The following FOXP2 variants were observed in gnomAD, a reference collection of about 807,000 sequenced individuals.
FOXP2 encodes forkhead box protein P2.
A neutral mutation model predicts 115.8 loss-of-function variants in FOXP2; 12 were observed. The ratio of observed to expected loss-of-function variants is 0.10; its 90% CI spans 0.07 to 0.17. FOXP2 has a LOEUF of 0.17. Ranked by LOEUF, FOXP2 falls within the 10% of genes least tolerant of loss-of-function variation. The probability of loss-of-function intolerance (pLI) is 1.00; values close to 1 mark genes in which losing one functional copy is unlikely to be tolerated. For synonymous variants in FOXP2, 328 were observed against 297.7 expected (o/e 1.10, Z -1.05); for missense variants, 629 against 843.5 (o/e 0.75, Z 3.15).
At chr7:114,368,737 C>T (rs1355357758) in intron 2 of FOXP2, among the ~76,000 whole-genome samples, 1 of 152,118 alleles carries the variant, frequency 6.6e-6, no homozygotes, top group Non-Finnish European at 1.5e-5. Context: ...AGCACTGTTC[C>T]AAGTGCTTAA....
intron 1 of FOXP2, among the ~76,000 whole-genome samples, chr7:114,263,653 G>A (rs1214558518): frequency 1.3e-5 from 2 of 151,352 alleles, no homozygotes; most frequent in African/African-American, 4.9e-5. Flanking sequence ...ACCTTGAAAT[G>A]TATTCTTCCT....
At chr7:114,427,791 A>G (rs1296580701) in intron 2 of FOXP2, among the ~76,000 whole-genome samples, 1 of 151,640 alleles carries the variant, frequency 6.6e-6, no homozygotes, top group Non-Finnish European at 1.5e-5. Flanking sequence ...GCATTAAAAA[A>G]GTTACATGGG....
intron 2 of FOXP2, among the ~76,000 whole-genome samples, chr7:114,516,703 G>GTT (rs559211733): frequency 6.9e-6 from 1 of 145,098 alleles, no homozygotes; most frequent in Admixed American, 6.9e-5. Context: ...TTTGTTTTTT[G>GTT]TTTTTTTTTT....
At chr7:114,607,245 G>T (rs1402734246) in intron 3 of FOXP2, among the ~76,000 whole-genome samples, 1 of 152,156 alleles carries the variant, frequency 6.6e-6, no homozygotes, top group African/African-American at 2.4e-5. Context: ...CCTGTCTGTT[G>T]GGAAGTGCAA....
At chr7:114,577,407 G>A (rs1402251609) in intron 3 of FOXP2, among the ~76,000 whole-genome samples, 4 of 151,926 alleles carry the variant, frequency 2.6e-5, no homozygotes, top group Non-Finnish European at 5.9e-5. Flanking sequence ...CAATTTAGAT[G>A]AAATTGCACT....
intron 2 of FOXP2, among the ~76,000 whole-genome samples, chr7:114,387,546 G>A (rs1288474844): frequency 2.0e-5 from 3 of 152,064 alleles, no homozygotes; most frequent in Admixed American, 6.6e-5. Context: ...AGGAGATTTG[G>A]CCAAATAAGT....
At chr7:114,315,694 AC>A (rs1288655397) in intron 2 of FOXP2, among the ~76,000 whole-genome samples, 2 of 152,076 alleles carry the variant, frequency 1.3e-5, no homozygotes, top group Non-Finnish European at 2.9e-5. Context: ...CTGTGAAGTC[AC>A]CACAAACACT....
At position 114,382,744 on chromosome 7, in the gene FOXP2, C is replaced by A. The variant is rs184150753; in HGVS notation, c.-10-43758C>A. The stretch of plus-strand genomic sequence containing the variant: ...GTTTTTTTCTAATGTCTGCAGCTAA[C>A]TGAGTGATAAACTTATCCTTTAAGT... On this transcript the variant is annotated intron_variant, in intron 2 of 17. Coordinates refer to the FOXP2 transcript ENST00000634411. Among the ~76,000 whole-genome samples, 223 of 152,278 alleles carry A rather than the reference C, an allele frequency of 1.5e-3. 2 individuals carry two copies. Among genetic ancestry groups the A allele is most frequent in the African/African-American group, 5.0e-3 (207 of 41,548 alleles).
intron 1 of FOXP2, among the ~76,000 whole-genome samples, chr7:114,285,862 C>T (rs926400865): frequency 6.6e-6 from 1 of 151,892 alleles, no homozygotes; most frequent in South Asian, 2.1e-4. Context: ...ATTAATTCCT[C>T]ATTGGTTTTA....
intron 1 of FOXP2, chr7:114,285,602 G>C (rs1176963294): frequency 6.6e-6 from 1 of 152,054 alleles, no homozygotes; most frequent in Non-Finnish European, 1.5e-5. Context: ...TTATGCTTTT[G>C]TTAGCAGTAA....
At chr7:114,322,220 A>G (rs1308727347) in intron 2 of FOXP2, among the ~76,000 whole-genome samples, 2 of 151,762 alleles carry the variant, frequency 1.3e-5, no homozygotes, top group African/African-American at 2.4e-5. Context: ...GAGTCTCACT[A>G]TATTATTGCT....
At chr7:114,280,982 A>G (rs982030359) in intron 1 of FOXP2, among the ~76,000 whole-genome samples, 14 of 152,112 alleles carry the variant, frequency 9.2e-5, no homozygotes, top group African/African-American at 3.1e-4. Context: ...AGCATAGTCA[A>G]CACTTAGGGT....
chr7:114,606,695 C>A (rs145829618), intron 3 of FOXP2, among the ~76,000 whole-genome samples: 1,538 of 152,098 alleles, frequency 0.01, 13 homozygotes, highest in Non-Finnish European at 0.014. Flanking sequence ...GTTTTGTATT[C>A]TGGAAAGAAC....
At chr7:114,571,189 G>A (rs1801283847) in intron 3 of FOXP2, among the ~76,000 whole-genome samples, 1 of 151,914 alleles carries the variant, frequency 6.6e-6, no homozygotes. Context: ...ATGAGGGAGT[G>A]TTGATATGCA....
intron 2 of FOXP2, among the ~76,000 whole-genome samples, chr7:114,385,114 G>A (rs912598476): frequency 2.6e-5 from 4 of 151,726 alleles, no homozygotes; most frequent in African/African-American, 7.3e-5. Context: ...CAAGGGTGGT[G>A]GGGAACGGGT....
chr7:114,654,020 A>C lies in FOXP2; in HGVS notation c.1266+11A>C, dbSNP rs1300878530. ...CCATCTCCCAAACCTGTAAGTGCAT[A>C]TTGCTTTATAAACAGTAAATAGCTC... On this transcript the variant is annotated intron_variant, in intron 10 of 16. Transcript: ENST00000350908. 2 of 1,613,212 alleles carry C rather than the reference A, an allele frequency of 1.2e-6. No individual in the cohort carries two copies. Among genetic ancestry groups the C allele is most frequent in the Non-Finnish European group, 8.5e-7 (1 of 1,179,326 alleles).
chr7:114,674,340 A>G (rs1399273539), intron 16 of FOXP2, among the ~76,000 whole-genome samples: 2 of 152,256 alleles, frequency 1.3e-5, no homozygotes, highest in Non-Finnish European at 1.5e-5. Flanking sequence ...TATACAGTTA[A>G]TATGGAATGC....
chr7:114,246,843 G>C (rs1332316637), intron 1 of FOXP2, among the ~76,000 whole-genome samples: 2 of 152,028 alleles, frequency 1.3e-5, no homozygotes, highest in African/African-American at 4.8e-5. Context: ...CCAGATAGTT[G>C]AGAAGAAAAT....
chr7:114,685,587 C>G (rs2129352248), intron 16 of FOXP2, among the ~76,000 whole-genome samples: 1 of 152,272 alleles, frequency 6.6e-6, no homozygotes, highest in Admixed American at 6.5e-5. Flanking sequence ...TTCGAGTAGT[C>G]TCTAACCTAT....
Sources: gnomAD v4.1 joint callset for allele counts (sites outside exome capture counted in the v4.1 genomes callset) on GRCh38, gnomAD v4.1.1 for gene constraint, MANE v1.5 for transcripts, NCBI Gene and HGNC (gene_info 2026-07-23, HGNC 2026-07-21) for gene names.